The following ADCY2 variants were observed in gnomAD, a reference collection of about 807,000 sequenced individuals.
The protein encoded by ADCY2 is adenylate cyclase 2.
Under a neutral mutation model 125.2 loss-of-function variants are expected in ADCY2, and 31 were observed. The observed-to-expected ratio is 0.25, with a 90% confidence interval of 0.19 to 0.33. The LOEUF is 0.33. ADCY2 is among the 10% of genes least tolerant of loss of function. ADCY2 has a pLI of 1.00. For synonymous variants in ADCY2, 512 were observed against 548.4 expected (o/e 0.93, Z 0.93); for missense variants, 904 against 1,418.2 (o/e 0.64, Z 5.82).
chr5:7,512,218 C>CAAAAAAAAAAAAAAAAAAAAAAAAAAA lies in ADCY2; in HGVS notation c.409-8498_409-8497insAAAAAAAAAAAAAAAAAAAAAAAAAAA, dbSNP rs57381383. Among the ~76,000 whole-genome samples, 14 of 57,902 alleles carry CAAAAAAAAAAAAAAAAAAAAAAAAAAA rather than the reference C, an allele frequency of 2.4e-4. 1 individual carries two copies. The highest frequency in any genetic ancestry group is 7.5e-4 in the East Asian group (1 of 1,332). The allele number at this position is 57,902 out of a possible 152,430, so 38.0% of individuals were successfully genotyped here. A position where few individuals can be genotyped will look rare whatever the true frequency, so the allele number is the denominator to read the frequency against. ...CCTGGGCAGTAGAGCATGACTCCAT[C>CAAAAAAAAAAAAAAAAAAAAAAAAAAA]AAAAAAAAAAAAAAAAAAAAAAGAA... On this transcript the variant is annotated intron_variant, in intron 2 of 24. Coordinates refer to ENST00000338316, the MANE Select transcript of ADCY2 (RefSeq NM_020546.3).
chr5:7,764,092 A>C (rs1743313529), intron 16 of ADCY2, among the ~76,000 whole-genome samples: 1 of 152,212 alleles, frequency 6.6e-6, no homozygotes, highest in Non-Finnish European at 1.5e-5. Context: ...TGAATGCCAA[A>C]ATGTCCAAGT....
chr5:7,816,839 C>T (rs1745128032), intron 22 of ADCY2, 27 bp from the exon 23 acceptor site: 5 of 1,584,438 alleles, frequency 3.2e-6, no homozygotes, highest in Non-Finnish European at 4.3e-6. Flanking sequence ...CTCTAACTTC[C>T]ATCTGCCTGT....
At chr5:7,582,314 C>G (rs772703246) in intron 3 of ADCY2, among the ~76,000 whole-genome samples, 1 of 151,992 alleles carries the variant, frequency 6.6e-6, no homozygotes, top group Admixed American at 6.6e-5. Flanking sequence ...GAGTAAGAGA[C>G]AAATCCTCTT....
At chr5:7,767,503 A>G (rs887206922) in intron 17 of ADCY2, among the ~76,000 whole-genome samples, 2 of 152,212 alleles carry the variant, frequency 1.3e-5, no homozygotes, top group African/African-American at 2.4e-5. Context: ...TCCGTGTCAA[A>G]TAATGGGTTT....
In ADCY2 at chr5:7,440,678, G is replaced by A. The variant is rs141388453; in HGVS notation, c.408+25908G>A. ...GCTAATGAGGATTAAAGATGCCAGT[G>A]ATCCTTCATGGTGAGAAATTTCTTA... On this transcript the variant is annotated intron_variant, in intron 2 of 24. Coordinates refer to ENST00000338316, the MANE Select transcript of ADCY2 (RefSeq NM_020546.3). Among the ~76,000 whole-genome samples the A allele has an allele frequency of 2.4e-3, 364 of 152,314 alleles. 1 individual carries two copies. The highest frequency in any genetic ancestry group is 8.4e-3 in the African/African-American group (348 of 41,562).
intron 4 of ADCY2, among the ~76,000 whole-genome samples, chr5:7,632,161 G>A (rs1561135178): frequency 6.6e-6 from 1 of 152,144 alleles, no homozygotes; most frequent in Non-Finnish European, 1.5e-5. Context: ...GAGGTGCAGG[G>A]CTGGGGGATG....
intron 2 of ADCY2, among the ~76,000 whole-genome samples, chr5:7,421,642 A>C (rs998870044): frequency 1.3e-5 from 2 of 152,318 alleles, no homozygotes; most frequent in East Asian, 1.9e-4. Context: ...CTAACTGACA[A>C]CGGTTCCCTA....
chr5:7,468,270 T>A (rs1742201050), intron 2 of ADCY2, among the ~76,000 whole-genome samples: 2 of 152,152 alleles, frequency 1.3e-5, no homozygotes, highest in South Asian at 4.1e-4. Flanking sequence ...AGACAGGGCA[T>A]GAGAGACTTA....
intron 3 of ADCY2, among the ~76,000 whole-genome samples, chr5:7,575,346 CTG>C (rs1189307214): frequency 6.6e-6 from 1 of 151,870 alleles, no homozygotes. Flanking sequence ...AAACACAAAA[CTG>C]TTTTTTAAAA....
chr5:7,660,511 C>G (rs1739491356), intron 4 of ADCY2, among the ~76,000 whole-genome samples: 1 of 152,134 alleles, frequency 6.6e-6, no homozygotes. Flanking sequence ...AAGGAACTGG[C>G]TTATGCAATC....
At chr5:7,645,129 A>T (rs1738852394) in intron 4 of ADCY2, among the ~76,000 whole-genome samples, 1 of 152,204 alleles carries the variant, frequency 6.6e-6, no homozygotes, top group Admixed American at 6.5e-5. Flanking sequence ...TCTGTAGAGC[A>T]GAGATAATAA....
intron 3 of ADCY2, among the ~76,000 whole-genome samples, chr5:7,530,447 A>G (rs1278193388): frequency 6.6e-6 from 1 of 152,124 alleles, no homozygotes; most frequent in Non-Finnish European, 1.5e-5. Flanking sequence ...TGGCATGATC[A>G]TAGCTCACTG....
intron 2 of ADCY2, among the ~76,000 whole-genome samples, chr5:7,456,775 G>A (rs1741688620): frequency 6.6e-6 from 1 of 152,186 alleles, no homozygotes; most frequent in Admixed American, 6.5e-5. Context: ...TGCCCAGCAT[G>A]TCTGCTTAAT....
chr5:7,698,203 G>T, intron 6 of ADCY2, 44 bp from the exon 7 acceptor site: 1 of 1,610,482 alleles, frequency 6.2e-7, no homozygotes, highest in Non-Finnish European at 8.5e-7. Context: ...AGATCATTCT[G>T]CAAGTGCTTA....
At chr5:7,520,701 T>G (rs1169520081) in intron 2 of ADCY2, 37 bp from the exon 3 acceptor site, 1 of 1,609,592 alleles carries the variant, frequency 6.2e-7, no homozygotes, top group Admixed American at 1.7e-5. Context: ...AACCAGAATA[T>G]TTGGTGACTC....
intron 14 of ADCY2, among the ~76,000 whole-genome samples, chr5:7,728,721 T>C (rs948860904): frequency 2.0e-5 from 3 of 152,182 alleles, no homozygotes; most frequent in Non-Finnish European, 2.9e-5. Flanking sequence ...TACTCTTACA[T>C]AGATAGATTC....
At chr5:7,507,138 G>A (rs1743853936) in intron 2 of ADCY2, among the ~76,000 whole-genome samples, 2 of 151,662 alleles carry the variant, frequency 1.3e-5, no homozygotes, top group Middle Eastern at 3.4e-3. Flanking sequence ...GGGAGCCAGG[G>A]AGAGGTAAAA....
intron 2 of ADCY2, among the ~76,000 whole-genome samples, chr5:7,419,002 A>T (rs1052782430): frequency 2.6e-5 from 4 of 152,120 alleles, no homozygotes; most frequent in African/African-American, 9.7e-5. Flanking sequence ...TTAATTAGCC[A>T]TTAGGAAGTG....
intron 23 of ADCY2, among the ~76,000 whole-genome samples, chr5:7,817,646 A>T (rs1355559957): frequency 6.6e-6 from 1 of 152,016 alleles, no homozygotes; most frequent in African/African-American, 2.4e-5. Flanking sequence ...GGGCAACATG[A>T]TGAGACCCCA....
Sources: gnomAD v4.1 joint callset for allele counts (sites outside exome capture counted in the v4.1 genomes callset) on GRCh38, gnomAD v4.1.1 for gene constraint, MANE v1.5 for transcripts, NCBI Gene and HGNC (gene_info 2026-07-23, HGNC 2026-07-21) for gene names.